IKBKB: variants seen among roughly 807,000 people sequenced by gnomAD.
IKBKB encodes inhibitor of nuclear factor kappa-B kinase subunit beta.
Under a neutral mutation model 113.6 loss-of-function variants are expected in IKBKB, and 42 were observed. The observed-to-expected ratio is 0.37, with a 90% CI of 0.29 to 0.48. The LOEUF (loss-of-function observed/expected upper bound fraction) is 0.48. Among genes scored for constraint, IKBKB ranks in the 20% least tolerant of loss-of-function variants. IKBKB has a pLI of 0.99. For synonymous variants in IKBKB, 296 were observed against 361.3 expected, an observed-to-expected ratio of 0.82 and a Z score of 2.05; for missense variants, 673 against 939.7, an observed-to-expected ratio of 0.72 and a Z score of 3.71.
intron 5 of IKBKB, among the ~76,000 whole-genome samples, chr8:42,300,831 A>G (rs778810957): frequency 6.6e-6 from 1 of 152,176 alleles, no homozygotes; most frequent in Non-Finnish European, 1.5e-5. Context: ...TTTCCTGCAT[A>G]CACTGCACTG....
intron 2 of IKBKB, among the ~76,000 whole-genome samples, chr8:42,283,077 T>C (rs1810684088): frequency 6.6e-6 from 1 of 152,214 alleles, no homozygotes; most frequent in Non-Finnish European, 1.5e-5. Context: ...ATTTGGATAT[T>C]TAAGACCAAT....
intron 5 of IKBKB, among the ~76,000 whole-genome samples, chr8:42,300,917 C>T (rs1018456426): frequency 2.0e-5 from 3 of 152,314 alleles, no homozygotes; most frequent in African/African-American, 4.8e-5. Flanking sequence ...TGCAGTGGCA[C>T]GATCATGTTT....
At position 42,317,464 on chromosome 8, in the gene IKBKB, G is replaced by A. The variant is rs143251739; in HGVS notation, c.1126-193G>A. On this transcript the variant is annotated intron_variant, in intron 11 of 21. Transcript: ENST00000520810. ...CAGAGAGTAAAATAGAATGTAATAC[G>A]TTTGTAAATAAAGAGTGTGTTCAGA... Among the ~76,000 whole-genome samples, 734 of 152,300 alleles carry A rather than the reference G, an allele frequency of 4.8e-3. 2 individuals are homozygous for A. The highest frequency in any genetic ancestry group is 6.0e-3 in the Non-Finnish European group (409 of 68,028).
At chr8:42,285,723 T>C (rs1811284709) in intron 2 of IKBKB, among the ~76,000 whole-genome samples, 1 of 152,228 alleles carries the variant, frequency 6.6e-6, no homozygotes, top group African/African-American at 2.4e-5. Flanking sequence ...CAGACTGGAC[T>C]GAGGGGGTCT....
chr8:42,286,554 C>G (rs1479149338), intron 2 of IKBKB, among the ~76,000 whole-genome samples: 1 of 152,114 alleles, frequency 6.6e-6, no homozygotes, highest in East Asian at 1.9e-4. Context: ...CAACCTCTGC[C>G]TCTTGGGCTT....
At position 42,331,653 on chromosome 8, in the gene IKBKB, C is replaced by CA; in HGVS notation, c.*676dup. The CA allele has an allele frequency of 1.9e-6, 1 of 534,776 alleles. No homozygotes were observed. The highest frequency in any genetic ancestry group is 3.4e-6 in the Non-Finnish European group (1 of 297,180). The allele number at this position is 534,776 out of a possible 1,614,324, so 33.1% of individuals were successfully genotyped here. A position where few individuals can be genotyped will look rare whatever the true frequency, so the allele number is the denominator to read the frequency against. On this transcript the variant is annotated 3_prime_UTR_variant, in exon 22 of 22. Coordinates refer to ENST00000520810, the MANE Select transcript of IKBKB (RefSeq NM_001556.3). ...TTTTCGGCAAAGTTGGAGCGAGTGC[C>CA]AAGCTCTCCATCTGTGGTCCTTTCT...
chr8:42,271,511 G>A, intron 1 of IKBKB, 42 bp downstream of exon 1: 1 of 660,384 alleles, frequency 1.5e-6, no homozygotes. Flanking sequence ...CCACCTGCAG[G>A]CCCCGCCGCC....
chr8:42,277,246 G>T (rs1276644851), intron 2 of IKBKB, among the ~76,000 whole-genome samples: 2 of 142,490 alleles, frequency 1.4e-5, no homozygotes, highest in Middle Eastern at 3.9e-3. Context: ...GCAGTGGCTT[G>T]ATCTCGGCTC....
chr8:42,285,916 G>A (rs1585574637), intron 2 of IKBKB, among the ~76,000 whole-genome samples: 1 of 152,192 alleles, frequency 6.6e-6, no homozygotes, highest in African/African-American at 2.4e-5. Context: ...AGAGGGGCTC[G>A]GGGAGTAGGG....
intron 7 of IKBKB, among the ~76,000 whole-genome samples, chr8:42,307,203 G>C (rs906675351): frequency 6.6e-6 from 1 of 152,158 alleles, no homozygotes; most frequent in South Asian, 2.1e-4. Flanking sequence ...GGCTGGAGGT[G>C]GGGGACGGCA....
intron 3 of IKBKB, among the ~76,000 whole-genome samples, chr8:42,289,519 GGGCTGTCC>G (rs1812131451): frequency 6.6e-6 from 1 of 152,170 alleles, no homozygotes; most frequent in African/African-American, 2.4e-5. Flanking sequence ...TGTGGAGACG[GGGCTGTCC>G]ATCTGCCTGG....
At chr8:42,295,937 T>C (rs994970441) in intron 5 of IKBKB, among the ~76,000 whole-genome samples, 1 of 152,224 alleles carries the variant, frequency 6.6e-6, no homozygotes, top group Admixed American at 6.5e-5. Context: ...GTATTTAAGT[T>C]ACACATAAAT....
intron 7 of IKBKB, among the ~76,000 whole-genome samples, chr8:42,307,971 T>C (rs981100750): frequency 6.6e-6 from 1 of 152,200 alleles, no homozygotes; most frequent in African/African-American, 2.4e-5. Context: ...CTAAGCCCAG[T>C]CTGCACCCCC....
Position 42,271,464 on chromosome 8 carries a change from C to G in IKBKB, c.-24C>G, listed in dbSNP as rs901993530. 2.0e-5 allele frequency: 26 copies of G among 1,303,922 alleles called. No individual in the cohort carries two copies. The African/African-American group carries it at 3.2e-4, about 16-fold the overall frequency. 80.8% of individuals were successfully genotyped at this position (1,303,922 alleles called of 1,614,324 possible). A position where few individuals can be genotyped will look rare whatever the true frequency, so the allele number is the denominator to read the frequency against. On this transcript the variant is annotated 5_prime_UTR_variant, in exon 1 of 22. Transcript: ENST00000520810. ...CCCGCCCCCTGCCCCGCGTCCCTGCCGACAGGTGAGTCCCCCTCGTGGGTG... is the reference window on the plus strand; with the variant it reads ...CCCGCCCCCTGCCCCGCGTCCCTGCGGACAGGTGAGTCCCCCTCGTGGGTG...
In IKBKB at chr8:42,296,181, A is replaced by G. The variant is rs183518931; in HGVS notation, c.388+2669A>G. On this transcript the variant is annotated intron_variant, in intron 5 of 21. Coordinates refer to ENST00000520810, the MANE Select transcript of IKBKB (RefSeq NM_001556.3). The stretch of plus-strand genomic sequence containing the variant: ...TATCTTCAGCATCTAGAATAGCAGT[A>G]TATAATCTTCTCTATAAATATTTGT... 3.9e-4 allele frequency among the ~76,000 whole-genome samples: 59 copies of G among 152,368 alleles called. No individual in the cohort carries two copies. The East Asian group carries it at 0.011, about 29-fold the overall frequency.
At chr8:42,311,638 GT>G (rs1585733611) in intron 8 of IKBKB, among the ~76,000 whole-genome samples, 2 of 151,978 alleles carry the variant, frequency 1.3e-5, no homozygotes, top group East Asian at 3.9e-4. Flanking sequence ...CAGAAAAGTG[GT>G]CTTAGGTGAT....
At chr8:42,315,210 T>C (rs996951603) in intron 9 of IKBKB, among the ~76,000 whole-genome samples, 2 of 152,166 alleles carry the variant, frequency 1.3e-5, no homozygotes. Flanking sequence ...TTGTACAGAA[T>C]TGGGTAACAG....
chr8:42,317,568 A>G, intron 11 of IKBKB, 89 bp from the exon 12 acceptor site: 1 of 855,366 alleles, frequency 1.2e-6, no homozygotes, highest in Non-Finnish European at 2.0e-6. Context: ...CTTGCTGAAC[A>G]GTGGGGAAAG....
At chr8:42,324,665 G>T (rs1209098462) in intron 19 of IKBKB, 1 of 152,386 alleles carries the variant, frequency 6.6e-6, no homozygotes, top group East Asian at 1.9e-4. Flanking sequence ...GGGATTTGGG[G>T]AAGTCCCTCT....
Sources: gnomAD v4.1 joint callset for allele counts (sites outside exome capture counted in the v4.1 genomes callset) on GRCh38, gnomAD v4.1.1 for gene constraint, MANE v1.5 for transcripts, NCBI Gene and HGNC (gene_info 2026-07-23, HGNC 2026-07-21) for gene names.